FNIP2: variants seen among roughly 807,000 people sequenced by gnomAD.
FNIP2 encodes the protein folliculin interacting protein 2.
Under a neutral mutation model 108.7 loss-of-function variants are expected in FNIP2, and 32 were observed. The ratio of observed to expected loss-of-function variants is 0.29; its 90% confidence interval spans 0.22 to 0.40. The LOEUF (loss-of-function observed/expected upper bound fraction) is 0.40, where lower values mean the gene tolerates loss of function less well. Ranked by LOEUF, FNIP2 falls within the 10% of genes least tolerant of loss-of-function variation. The pLI is 1.00. For missense variants in FNIP2, 1,202 were observed against 1,381.6 expected, an observed-to-expected ratio of 0.87 and a Z score of 2.06; for synonymous variants, 480 against 496.7, an observed-to-expected ratio of 0.97 and a Z score of 0.45.
chr4:158,793,340 G>A (rs1776482617), intron 1 of FNIP2, among the ~76,000 whole-genome samples: 2 of 152,196 alleles, frequency 1.3e-5, no homozygotes. Context: ...AGTATCACAT[G>A]AGTGGCAGGT....
chr4:158,839,852 T>C (rs1253656269), intron 7 of FNIP2, among the ~76,000 whole-genome samples: 1 of 152,170 alleles, frequency 6.6e-6, no homozygotes, highest in Non-Finnish European at 1.5e-5. Flanking sequence ...ATCCCTGTCC[T>C]AGAATCAGCC....
Position 158,769,196 on chromosome 4 carries a change from G to A in FNIP2, c.-17G>A, listed in dbSNP as rs1775606286. The A allele has an allele frequency of 1.5e-6, 2 of 1,358,992 alleles. No individual in the cohort carries two copies. The highest frequency in any genetic ancestry group is 1.3e-5 in the South Asian group (1 of 74,236). The allele number at this position is 1,358,992 out of a possible 1,614,324, so 84.2% of individuals were successfully genotyped here. On this transcript the variant is annotated 5_prime_UTR_variant, in exon 1 of 17. Transcript: ENST00000264433. ...CGGCCCCCCGAGCGCCACGGCCGGA[G>A]CTGCGGCGGCGGCATCATGGCCCCG... is the stretch of plus-strand genomic sequence containing the variant.
chr4:158,864,031 T>TTTG (rs1182939847), intron 12 of FNIP2, among the ~76,000 whole-genome samples: 3 of 152,144 alleles, frequency 2.0e-5, no homozygotes, highest in African/African-American at 2.4e-5. Context: ...ACCATGTATT[T>TTTG]TTGTTGTTGT....
chr4:158,820,961 AACT>A (rs1560776539), intron 1 of FNIP2, among the ~76,000 whole-genome samples: 1 of 152,178 alleles, frequency 6.6e-6, no homozygotes, highest in Non-Finnish European at 1.5e-5. Flanking sequence ...ACACAATTTA[AACT>A]ACAGTACATG....
chr4:158,835,445 T>TA lies in FNIP2; in HGVS notation c.696_697insA (p.Glu233ArgfsTer57). The stretch of plus-strand genomic sequence containing the variant: ...TTGATATGCCAAGCAGAGGACAGAA[T>TA]GAAGACAGGGACAGTGGCATTGCTC... On this transcript the variant is annotated frameshift_variant, in exon 7 of 17. Transcript: ENST00000264433. LOFTEE classifies it high-confidence loss of function. 6.2e-7 allele frequency: 1 copy of TA among 1,612,724 alleles called. No individual in the cohort carries two copies. Among genetic ancestry groups the TA allele is most frequent in the Non-Finnish European group, 8.5e-7 (1 of 1,179,146 alleles).
intron 14 of FNIP2, among the ~76,000 whole-genome samples, chr4:158,876,403 C>T (rs1323691951): frequency 6.6e-6 from 1 of 152,258 alleles, no homozygotes; most frequent in East Asian, 1.9e-4. Flanking sequence ...AATATACACA[C>T]ATACCCCTGT....
chr4:158,834,571 G>A (rs528092304), intron 6 of FNIP2: 1 of 152,242 alleles, frequency 6.6e-6, no homozygotes, highest in African/African-American at 2.4e-5. Flanking sequence ...TACTTAGAGT[G>A]AGGAAAATGC....
At chr4:158,895,528 T>G (rs969463026) in intron 15 of FNIP2, among the ~76,000 whole-genome samples, 11 of 152,244 alleles carry the variant, frequency 7.2e-5, no homozygotes, top group African/African-American at 2.2e-4. Context: ...ATAATACATA[T>G]GTAAATCTTA....
intron 1 of FNIP2, among the ~76,000 whole-genome samples, chr4:158,789,858 T>TA (rs1776352742): frequency 1.3e-5 from 2 of 151,922 alleles, no homozygotes; most frequent in East Asian, 3.9e-4. Flanking sequence ...CTAGGCGAAA[T>TA]AATGCCTTAC....
Position 158,869,048 on chromosome 4 carries a change from C to T in FNIP2, c.2412C>T (p.Asp804=). The stretch of plus-strand genomic sequence containing the variant: ...CAGAGGACAGAGGCAGCAGAAACGA[C>T]ATGGCAGCAGATATTGCTGGGCAGC... ...GFAEDRGSRN[D]MAADIAGQLS... The change falls in exon 13 of 17, where the codon GAC becomes GAT. Residue 804 remains aspartate, a synonymous_variant. Transcript: ENST00000264433. The T allele has an allele frequency of 6.2e-7, 1 of 1,614,014 alleles. No homozygotes were observed. The highest frequency in any genetic ancestry group is 8.5e-7 in the Non-Finnish European group (1 of 1,179,890).
intron 12 of FNIP2, among the ~76,000 whole-genome samples, chr4:158,862,860 A>G (rs1351652161): frequency 6.6e-6 from 1 of 152,230 alleles, no homozygotes; most frequent in Non-Finnish European, 1.5e-5. Flanking sequence ...CTGGATATTA[A>G]GGAAACATTG....
chr4:158,872,353 T>C (rs1780999939), intron 14 of FNIP2: 1 of 985,342 alleles, frequency 1.0e-6, no homozygotes, highest in African/African-American at 1.7e-5. Flanking sequence ...TATAATTCTT[T>C]TATTTGAAAA....
chr4:158,807,109 A>G (rs1053831972), intron 1 of FNIP2, among the ~76,000 whole-genome samples: 1 of 152,222 alleles, frequency 6.6e-6, no homozygotes, highest in Non-Finnish European at 1.5e-5. Flanking sequence ...ATAAAAACAA[A>G]AAACTGTTTT....
intron 14 of FNIP2, among the ~76,000 whole-genome samples, chr4:158,882,696 C>A (rs1781748898): frequency 6.6e-6 from 1 of 152,174 alleles, no homozygotes; most frequent in South Asian, 2.1e-4. Flanking sequence ...TATGACCTTA[C>A]CCCCAACCGG....
chr4:158,890,462 C>A, intron 14 of FNIP2: 1 of 582,508 alleles, frequency 1.7e-6, no homozygotes, highest in Non-Finnish European at 2.2e-6. Context: ...GGACAGAGTC[C>A]AAGACTAGGG....
intron 12 of FNIP2, among the ~76,000 whole-genome samples, chr4:158,866,912 C>G (rs1178598513): frequency 6.6e-6 from 1 of 152,214 alleles, no homozygotes; most frequent in Admixed American, 6.5e-5. Flanking sequence ...CAGTGCCTGT[C>G]CAGTTAGTAA....
chr4:158,805,534 T>C (rs1483140998), intron 1 of FNIP2, among the ~76,000 whole-genome samples: 2 of 152,232 alleles, frequency 1.3e-5, no homozygotes, highest in Non-Finnish European at 2.9e-5. Flanking sequence ...ATCATTTTTT[T>C]TGCTTGTATT....
Position 158,868,703 on chromosome 4 carries a change from G to A in FNIP2, c.2067G>A (p.Glu689=). Residue 689 remains glutamate, a synonymous_variant, in exon 13 of 17, where the codon GAG becomes GAA. Coordinates refer to ENST00000264433, the MANE Select transcript of FNIP2 (RefSeq NM_020840.3). This position sits in a 1 kb window ranked among gnomAD's most constrained non-coding sequence, Gnocchi z 4.6. The stretch of plus-strand genomic sequence containing the variant: ...CTGTCTGTGAGCTGTTGAAAGTGGA[G>A]ATGCCTACAAGACTGCCAGACCGGT... The part of the protein sequence containing the change: ...QQAVCELLKV[E]MPTRLPDRSV... 6.8e-6 allele frequency: 11 copies of A among 1,614,064 alleles called. No homozygotes were observed. The highest frequency in any genetic ancestry group is 9.3e-6 in the Non-Finnish European group (11 of 1,179,906).
intron 14 of FNIP2, among the ~76,000 whole-genome samples, chr4:158,883,303 G>T (rs918845380): frequency 6.6e-6 from 1 of 151,960 alleles, no homozygotes; most frequent in Non-Finnish European, 1.5e-5. Context: ...GTGCAGTGGC[G>T]CAGTCTCGGC....
Sources: gnomAD v4.1 joint callset for allele counts (sites outside exome capture counted in the v4.1 genomes callset) on GRCh38, gnomAD v4.1.1 for gene constraint, Gnocchi (gnomAD v3.1) non-coding constraint, MANE v1.5 for transcripts, NCBI Gene and HGNC (gene_info 2026-07-23, HGNC 2026-07-21) for gene names.